Variants in PCMT1 observed in about 807,000 individuals in gnomAD.
PCMT1 encodes the protein protein-L-isoaspartate (D-aspartate) O-methyltransferase.
Under a neutral mutation model 29.2 loss-of-function variants are expected in PCMT1, and 9 were observed. The ratio of observed to expected loss-of-function variants is 0.31; its 90% CI spans 0.19 to 0.54. The LOEUF (loss-of-function observed/expected upper bound fraction) is 0.54. Ranked by LOEUF, PCMT1 falls within the 20% of genes least tolerant of loss-of-function variation. The pLI is 0.95. For synonymous variants in PCMT1, 98 were observed against 97.5 expected, an observed-to-expected ratio of 1.00 and a Z score of -0.03; for missense variants, 184 against 282.2, an observed-to-expected ratio of 0.65 and a Z score of 2.49.
chr6:149,765,703 A>C (rs1787050598), intron 1 of PCMT1: 2 of 353,460 alleles, frequency 5.7e-6, no homozygotes, highest in East Asian at 2.1e-4. Context: ...ATGATGGCTC[A>C]TACCTGTAAT....
At chr6:149,751,476 CTTTTTTTTTTTT>C (rs76128652) in intron 1 of PCMT1, among the ~76,000 whole-genome samples, 6 of 116,544 alleles carry the variant, frequency 5.1e-5, no homozygotes, top group Non-Finnish European at 6.7e-5. Flanking sequence ...ATGGTTGGTA[CTTTTTTTTTTTT>C]TTTTTTTTTT....
intron 5 of PCMT1, 81 bp downstream of exon 5, chr6:149,793,750 A>T (rs1788482303): frequency 8.4e-7 from 1 of 1,189,074 alleles, no homozygotes; most frequent in African/African-American, 1.6e-5. Flanking sequence ...TAATACTCAG[A>T]GGTAATTATT....
chr6:149,802,476 T>C lies in PCMT1; in HGVS notation c.*37+60T>C, dbSNP rs571422701. On this transcript the variant is annotated intron_variant, in intron 7 of 7. Coordinates refer to ENST00000464889, the MANE Select transcript of PCMT1 (RefSeq NM_001360452.2). ...AAGAGCTGTTTTTGGTTGTCACCTT[T>C]ATGCTCCTCCATTATAACGTCAGAA... The C allele has an allele frequency of 1.7e-5, 24 of 1,382,448 alleles. No homozygotes were observed. The African/African-American group carries it at 3.0e-4, about 17-fold the overall frequency. 85.6% of individuals were successfully genotyped at this position (1,382,448 alleles called of 1,614,324 possible).
intron 3 of PCMT1, among the ~76,000 whole-genome samples, chr6:149,783,364 C>T (rs1787892823): frequency 6.6e-6 from 1 of 152,098 alleles, no homozygotes; most frequent in Non-Finnish European, 1.5e-5. Context: ...AACTCTTGAC[C>T]TCGTGATCTG....
Position 149,762,761 on chromosome 6 carries a change from C to T in PCMT1, c.56-8401C>T, listed in dbSNP as rs183377624. On this transcript the variant is annotated intron_variant, in intron 1 of 7. Transcript: ENST00000464889. ...TATATATATATCTATGATATATATA[C>T]CTATGATATATATATACCTATGATA... is the stretch of plus-strand genomic sequence containing the variant. Among the ~76,000 whole-genome samples the T allele has an allele frequency of 9.8e-4, 33 of 33,614 alleles. 1 individual carries two copies. The highest frequency in any genetic ancestry group is 7.0e-3 in the African/African-American group (20 of 2,864). 22.1% of individuals were successfully genotyped at this position (33,614 alleles called of 152,430 possible). A position where few individuals can be genotyped will look rare whatever the true frequency, so the allele number is the denominator to read the frequency against.
Position 149,810,847 on chromosome 6 carries a change from A to T in PCMT1, c.*269A>T. The T allele has an allele frequency of 2.4e-6, 1 of 422,614 alleles. No homozygotes were observed. 26.2% of individuals were successfully genotyped at this position (422,614 alleles called of 1,614,324 possible). A position where few individuals can be genotyped will look rare whatever the true frequency, so the allele number is the denominator to read the frequency against. On this transcript the variant is annotated 3_prime_UTR_variant, in exon 8 of 8. Coordinates refer to ENST00000464889, the MANE Select transcript of PCMT1 (RefSeq NM_001360452.2). ...GCAAAGTATAAATTTGTGTAATATT[A>T]CTTTAACATGCCCATATTTTACTTG...
chr6:149,787,303 G>GGGGAGAGGGAGA (rs879795907), intron 3 of PCMT1, among the ~76,000 whole-genome samples: 1 of 149,902 alleles, frequency 6.7e-6, no homozygotes, highest in Non-Finnish European at 1.5e-5. Flanking sequence ...GGGAGACCGT[G>GGGGAGAGGGAGA]GGGAGAGGGA....
chr6:149,750,327 C>T (rs1786256260), intron 1 of PCMT1: 2 of 235,622 alleles, frequency 8.5e-6, no homozygotes, highest in South Asian at 1.2e-4. Context: ...GTGGGCTAGG[C>T]CTTATGGAGA....
At chr6:149,763,720 A>T (rs1786957848) in intron 1 of PCMT1, among the ~76,000 whole-genome samples, 1 of 152,192 alleles carries the variant, frequency 6.6e-6, no homozygotes, top group Admixed American at 6.6e-5. Context: ...CTAGAGAAGA[A>T]TGAATACAGT....
chr6:149,765,233 G>A (rs1273298606), intron 1 of PCMT1, among the ~76,000 whole-genome samples: 4 of 149,284 alleles, frequency 2.7e-5, no homozygotes, highest in Non-Finnish European at 5.9e-5. Flanking sequence ...GGTGGCGGGT[G>A]CCTGTAGTCC....
chr6:149,793,972 C>A (rs1788491054), intron 5 of PCMT1, among the ~76,000 whole-genome samples: 1 of 152,062 alleles, frequency 6.6e-6, no homozygotes, highest in Admixed American at 6.6e-5. Flanking sequence ...GTATTTTTGA[C>A]TTACAGGGCT....
chr6:149,781,204 GTT>G (rs1408665915), intron 3 of PCMT1, among the ~76,000 whole-genome samples: 3 of 24,380 alleles, frequency 1.2e-4, no homozygotes, highest in African/African-American at 1.5e-3. Context: ...TTTTTTTTTT[GTT>G]TTTTTTTTTT....
chr6:149,764,650 A>G (rs1786996620), intron 1 of PCMT1, among the ~76,000 whole-genome samples: 1 of 152,240 alleles, frequency 6.6e-6, no homozygotes, highest in Non-Finnish European at 1.5e-5. Context: ...TAAGGCAGGA[A>G]GAGCACTGGA....
intron 7 of PCMT1, among the ~76,000 whole-genome samples, chr6:149,807,018 G>A (rs1776037050): frequency 6.6e-6 from 1 of 152,216 alleles, no homozygotes; most frequent in African/African-American, 2.4e-5. Context: ...ATGAGGGTGA[G>A]ATCCCATTTT....
intron 1 of PCMT1, among the ~76,000 whole-genome samples, chr6:149,752,995 C>T (rs1421077635): frequency 6.6e-6 from 1 of 152,024 alleles, no homozygotes; most frequent in Non-Finnish European, 1.5e-5. Context: ...TAGTTTTATA[C>T]TAGATTTATG....
intron 4 of PCMT1, 94 bp from the exon 5 acceptor site, chr6:149,793,455 G>T: frequency 8.6e-7 from 1 of 1,163,776 alleles, no homozygotes; most frequent in Non-Finnish European, 1.1e-6. Flanking sequence ...TTTTCTCTTT[G>T]TAGAATATGA....
intron 1 of PCMT1, among the ~76,000 whole-genome samples, chr6:149,755,716 G>T (rs530530632): frequency 6.6e-6 from 1 of 152,144 alleles, no homozygotes; most frequent in East Asian, 1.9e-4. Flanking sequence ...TGATATTTTA[G>T]TGCTTTCTAT....
intron 1 of PCMT1, among the ~76,000 whole-genome samples, chr6:149,758,726 T>G (rs1444691513): frequency 6.6e-6 from 1 of 152,184 alleles, no homozygotes; most frequent in African/African-American, 2.4e-5. Flanking sequence ...CAATTAAAAG[T>G]TATTAAGGTA....
At chr6:149,771,465 A>G (rs897543710) in intron 2 of PCMT1, among the ~76,000 whole-genome samples, 199 bp downstream of exon 2, 9 of 152,188 alleles carry the variant, frequency 5.9e-5, no homozygotes, top group Non-Finnish European at 1.3e-4. Context: ...CGAACAATAT[A>G]TAATATGTAT....
Sources: gnomAD v4.1 joint callset for allele counts (sites outside exome capture counted in the v4.1 genomes callset) on GRCh38, gnomAD v4.1.1 for gene constraint, MANE v1.5 for transcripts, NCBI Gene and HGNC (gene_info 2026-07-23, HGNC 2026-07-21) for gene names.